Variants in ROBO2 observed in about 807,000 individuals in gnomAD.
ROBO2 encodes the protein roundabout guidance receptor 2, also known as roundabout homolog 2.
A neutral mutation model predicts 160.8 loss-of-function variants in ROBO2; 53 were observed. The ratio of observed to expected loss-of-function variants is 0.33; its 90% CI spans 0.26 to 0.41. The LOEUF is 0.41. Among genes scored for constraint, ROBO2 ranks in the 10% least tolerant of loss-of-function variants. The pLI is 1.00. For missense variants in ROBO2, 1,577 were observed against 1,722.4 expected (o/e 0.92, Z 1.49); for synonymous variants, 664 against 611.7 (o/e 1.09, Z -1.26).
Position 76,030,543 on chromosome 3 carries a change from A to G in ROBO2, c.109+92941A>G, listed in dbSNP as rs563292116. ...TAATCCATGTTGAATTAGTTTTTGTATAAGGTGTAAGGAAGGGATCCAGTT... is the reference window on the plus strand; with the variant it reads ...TAATCCATGTTGAATTAGTTTTTGTGTAAGGTGTAAGGAAGGGATCCAGTT... On this transcript the variant is annotated intron_variant, in intron 2 of 26. Transcript: ENST00000487694. 2.6e-5 allele frequency among the ~76,000 whole-genome samples: 4 copies of G among 152,244 alleles called. No homozygotes were observed. The South Asian group carries it at 6.2e-4, about 24-fold the overall frequency.
chr3:76,413,730 C>G (rs1424510739), intron 2 of ROBO2, among the ~76,000 whole-genome samples: 2 of 152,156 alleles, frequency 1.3e-5, no homozygotes, highest in Non-Finnish European at 2.9e-5. Context: ...CAACACGTCT[C>G]TAGGAAGTTT....
intron 2 of ROBO2, among the ~76,000 whole-genome samples, chr3:76,981,266 T>C (rs2060082974): frequency 6.6e-6 from 1 of 152,226 alleles, no homozygotes; most frequent in Non-Finnish European, 1.5e-5. Flanking sequence ...ATTGACAGAC[T>C]ATTTTCCAAA....
At chr3:76,090,966 C>G (rs2069207684) in intron 2 of ROBO2, among the ~76,000 whole-genome samples, 1 of 152,272 alleles carries the variant, frequency 6.6e-6, no homozygotes, top group South Asian at 2.1e-4. Flanking sequence ...AATGGACTAT[C>G]AATCTAGATG....
chr3:77,421,297 C>T (rs921921891), intron 2 of ROBO2, among the ~76,000 whole-genome samples: 1 of 151,838 alleles, frequency 6.6e-6, no homozygotes, highest in East Asian at 1.9e-4. Flanking sequence ...TATGGTTATC[C>T]CATTAATATT....
chr3:76,496,722 T>G (rs1023974874), intron 2 of ROBO2, among the ~76,000 whole-genome samples: 1 of 151,654 alleles, frequency 6.6e-6, no homozygotes, highest in Non-Finnish European at 1.5e-5. Context: ...AACCTTAGAG[T>G]TTTTTAATTT....
At chr3:76,472,123 A>G (rs2078698714) in intron 2 of ROBO2, among the ~76,000 whole-genome samples, 1 of 149,828 alleles carries the variant, frequency 6.7e-6, no homozygotes, top group African/African-American at 2.5e-5. Flanking sequence ...GCGCATGTGT[A>G]TCACTTCTTC....
At chr3:75,928,008 G>A (rs56393714) in intron 1 of ROBO2, among the ~76,000 whole-genome samples, 4,600 of 119,052 alleles carry the variant, frequency 0.039, 100 homozygotes, top group Middle Eastern at 0.074. Flanking sequence ...TTTTTGAGAC[G>A]GAGTCTCTCT....
chr3:76,462,391 T>A (rs750249998), intron 2 of ROBO2, among the ~76,000 whole-genome samples: 1 of 151,686 alleles, frequency 6.6e-6, no homozygotes, highest in Non-Finnish European at 1.5e-5. Flanking sequence ...TCAGTACATA[T>A]ACACACACAC....
At chr3:76,770,782 T>C (rs562439361) in intron 2 of ROBO2, among the ~76,000 whole-genome samples, 4 of 151,402 alleles carry the variant, frequency 2.6e-5, no homozygotes, top group East Asian at 2.0e-4. Flanking sequence ...ATGGAAGTTT[T>C]ATGAGTAAGA....
At chr3:77,265,761 A>G (rs1372437196) in intron 2 of ROBO2, among the ~76,000 whole-genome samples, 1 of 152,222 alleles carries the variant, frequency 6.6e-6, no homozygotes, top group Non-Finnish European at 1.5e-5. Flanking sequence ...TTCATGAAGT[A>G]GAATCCAATC....
At chr3:76,268,345 T>C (rs1707224100) in intron 2 of ROBO2, among the ~76,000 whole-genome samples, 2 of 152,170 alleles carry the variant, frequency 1.3e-5, no homozygotes. Context: ...TTCAACAAAG[T>C]ATATTAGTTA....
chr3:76,940,259 G>A (rs533582548), intron 2 of ROBO2, among the ~76,000 whole-genome samples: 4 of 152,280 alleles, frequency 2.6e-5, no homozygotes, highest in Admixed American at 1.3e-4. Context: ...TGGGATTACA[G>A]GCGTGAGCCA....
chr3:76,048,310 A>G (rs889922434), intron 2 of ROBO2, among the ~76,000 whole-genome samples: 1 of 152,190 alleles, frequency 6.6e-6, no homozygotes, highest in Non-Finnish European at 1.5e-5. Flanking sequence ...TTGAAATCAT[A>G]CCATTTTAGA....
chr3:76,652,571 A>G (rs1041258696), intron 2 of ROBO2, among the ~76,000 whole-genome samples: 2 of 152,234 alleles, frequency 1.3e-5, no homozygotes, highest in Non-Finnish European at 2.9e-5. Context: ...ACAAAAGAAT[A>G]TCTTTCATGC....
chr3:76,563,295 C>T (rs1300995721), intron 2 of ROBO2, among the ~76,000 whole-genome samples: 1 of 151,948 alleles, frequency 6.6e-6, no homozygotes, highest in Non-Finnish European at 1.5e-5. Context: ...TTAATAGAGC[C>T]GATTAATATA....
chr3:76,457,506 A>C (rs1000213594), intron 2 of ROBO2, among the ~76,000 whole-genome samples: 1 of 152,054 alleles, frequency 6.6e-6, no homozygotes, highest in African/African-American at 2.4e-5. Context: ...TCATGGACTG[A>C]CATCGAGTGT....
At chr3:76,710,209 C>G (rs894632878) in intron 2 of ROBO2, among the ~76,000 whole-genome samples, 10 of 151,996 alleles carry the variant, frequency 6.6e-5, no homozygotes, top group Non-Finnish European at 1.3e-4. Context: ...CAACCTCTGC[C>G]TCCTTGGTTC....
At chr3:76,504,516 ACT>A (rs2080671396) in intron 2 of ROBO2, among the ~76,000 whole-genome samples, 1 of 115,190 alleles carries the variant, frequency 8.7e-6, no homozygotes, top group African/African-American at 3.2e-5. Flanking sequence ...CTTAGAAAAT[ACT>A]CTTTTTTTTT....
At chr3:76,191,484 T>A (rs2107179417) in intron 2 of ROBO2, among the ~76,000 whole-genome samples, 1 of 112,040 alleles carries the variant, frequency 8.9e-6, no homozygotes, top group South Asian at 4.0e-4. Flanking sequence ...AACTCAGACA[T>A]CCCGTTATTA....
Sources: gnomAD v4.1 joint callset for allele counts (sites outside exome capture counted in the v4.1 genomes callset) on GRCh38, gnomAD v4.1.1 for gene constraint, MANE v1.5 for transcripts, NCBI Gene and HGNC (gene_info 2026-07-23, HGNC 2026-07-21) for gene names.